The following LHFPL6 variants were observed in gnomAD, a reference collection of about 807,000 sequenced individuals.
The protein encoded by LHFPL6 is LHFPL tetraspan subfamily member 6, also known as LHFPL tetraspan subfamily member 6 protein.
Under a neutral mutation model 20.6 loss-of-function variants are expected in LHFPL6, and 9 were observed. The ratio of observed to expected loss-of-function variants is 0.44; its 90% CI spans 0.26 to 0.76. The LOEUF (loss-of-function observed/expected upper bound fraction) is 0.76, where lower values mean the gene tolerates loss of function less well. Among genes scored for constraint, LHFPL6 ranks in the 30% least tolerant of loss-of-function variants. The pLI is 0.20. For missense variants in LHFPL6, 218 were observed against 253.5 expected, an observed-to-expected ratio of 0.86 and a Z score of 0.95; for synonymous variants, 105 against 98.7, an observed-to-expected ratio of 1.06 and a Z score of -0.38.
chr13:39,368,470 A>G (rs1477179287), intron 3 of LHFPL6, among the ~76,000 whole-genome samples: 2 of 152,046 alleles, frequency 1.3e-5, no homozygotes, highest in East Asian at 3.9e-4. Flanking sequence ...TAGTCCCAGC[A>G]ACTCTGGAGG....
chr13:39,499,160 C>A (rs1018573908), intron 2 of LHFPL6, among the ~76,000 whole-genome samples: 2 of 151,820 alleles, frequency 1.3e-5, no homozygotes, highest in African/African-American at 4.8e-5. Flanking sequence ...ACGCACCCGG[C>A]CTGCCTTTTC....
Position 39,488,473 on chromosome 13 carries a change from T to C in LHFPL6, c.386-109947A>G, listed in dbSNP as rs140967758. The stretch of plus-strand genomic sequence containing the variant: ...TTTTACCCCAGCAGTCTGTTCCTTT[T>C]CCATTCCTGTCCTTTACAAGGGCCT... On this transcript the variant is annotated intron_variant, in intron 2 of 3. Transcript: ENST00000379589. Among the ~76,000 whole-genome samples the C allele has an allele frequency of 4.8e-4, 73 of 152,250 alleles. No homozygotes were observed. The East Asian group carries it at 0.014, about 29-fold the overall frequency.
chr13:39,599,987 A>G (rs1264779025), intron 2 of LHFPL6, among the ~76,000 whole-genome samples: 1 of 152,212 alleles, frequency 6.6e-6, no homozygotes, highest in Non-Finnish European at 1.5e-5. Context: ...ACCAGGGTGG[A>G]CTGTAAATCA....
chr13:39,545,708 C>G (rs9548803), intron 2 of LHFPL6, among the ~76,000 whole-genome samples: 118,595 of 152,030 alleles, frequency 0.78, 46,676 homozygotes, highest in Middle Eastern at 0.88. Flanking sequence ...ATCATATCTA[C>G]ATTACTTATA....
At chr13:39,434,618 C>G (rs1472771854) in intron 2 of LHFPL6, among the ~76,000 whole-genome samples, 2 of 151,998 alleles carry the variant, frequency 1.3e-5, no homozygotes, top group Non-Finnish European at 2.9e-5. Flanking sequence ...CACTGATGGC[C>G]CAAATGAAAT....
At chr13:39,434,211 T>C (rs1871893404) in intron 2 of LHFPL6, among the ~76,000 whole-genome samples, 1 of 152,218 alleles carries the variant, frequency 6.6e-6, no homozygotes, top group South Asian at 2.1e-4. Context: ...CTACTACATG[T>C]TGGGTACTAT....
intron 2 of LHFPL6, among the ~76,000 whole-genome samples, chr13:39,558,656 A>G (rs1032156456): frequency 1.3e-5 from 2 of 152,188 alleles, no homozygotes; most frequent in African/African-American, 4.8e-5. Flanking sequence ...GTTTTGGCCT[A>G]AGTTGTATGC....
chr13:39,424,681 T>C lies in LHFPL6; in HGVS notation c.386-46155A>G, dbSNP rs1871592629. On this transcript the variant is annotated intron_variant, in intron 2 of 3. Transcript: ENST00000379589. ...AGTGAAAAAAATGGTACTGCAATTT[T>C]TCAAAATGAGGAAAATGTACTGGTA... Among the ~76,000 whole-genome samples the C allele has an allele frequency of 2.0e-5, 3 of 152,184 alleles. No homozygotes were observed. The South Asian group carries it at 6.2e-4, about 32-fold the overall frequency.
At chr13:39,568,408 A>T (rs1028500663) in intron 2 of LHFPL6, among the ~76,000 whole-genome samples, 18 of 152,180 alleles carry the variant, frequency 1.2e-4, no homozygotes, top group African/African-American at 4.3e-4. Flanking sequence ...CAGGACAATG[A>T]CCAATTCTGA....
intron 2 of LHFPL6, among the ~76,000 whole-genome samples, chr13:39,478,147 C>T (rs1295399641): frequency 2.0e-5 from 3 of 152,198 alleles, no homozygotes; most frequent in African/African-American, 4.8e-5. Context: ...GTTCTAGAGA[C>T]GAGGGGGCAG....
chr13:39,389,987 AC>A lies in LHFPL6; in HGVS notation c.386-11462del, dbSNP rs558213809. Among the ~76,000 whole-genome samples the A allele has an allele frequency of 2.8e-3, 419 of 152,250 alleles. 1 individual carries two copies. The highest frequency in any genetic ancestry group is 4.8e-3 in the Non-Finnish European group (326 of 68,004). On this transcript the variant is annotated intron_variant, in intron 2 of 3. Coordinates refer to ENST00000379589, the MANE Select transcript of LHFPL6 (RefSeq NM_005780.3). Reference sequence around the variant, plus strand: ...CTCTCCCCACGAGTGCCCTTAACCAACACATCAAGAGCACAAGCACCAACAG... The same window carrying A: ...CTCTCCCCACGAGTGCCCTTAACCAAACATCAAGAGCACAAGCACCAACAG...
intron 2 of LHFPL6, among the ~76,000 whole-genome samples, chr13:39,495,606 T>C (rs1869073072): frequency 6.6e-6 from 1 of 150,430 alleles, no homozygotes; most frequent in African/African-American, 2.4e-5. Context: ...TACTAGGCTT[T>C]TTTTTTTTTT....
At chr13:39,504,871 G>A (rs1469744446) in intron 2 of LHFPL6, among the ~76,000 whole-genome samples, 1 of 152,146 alleles carries the variant, frequency 6.6e-6, no homozygotes, top group Non-Finnish European at 1.5e-5. Flanking sequence ...CAAAACCGCA[G>A]AGGAAATTGT....
At chr13:39,391,345 G>A (rs1870703703) in intron 2 of LHFPL6, among the ~76,000 whole-genome samples, 1 of 152,158 alleles carries the variant, frequency 6.6e-6, no homozygotes, top group African/African-American at 2.4e-5. Context: ...CCTTAAAAGT[G>A]TGGCTATGTT....
intron 2 of LHFPL6, among the ~76,000 whole-genome samples, chr13:39,490,346 T>G (rs1868880927): frequency 6.6e-6 from 1 of 152,170 alleles, no homozygotes; most frequent in African/African-American, 2.4e-5. Flanking sequence ...AAAAGCCTGA[T>G]AGGGGAACAA....
At chr13:39,541,914 C>A (rs1870813649) in intron 2 of LHFPL6, among the ~76,000 whole-genome samples, 1 of 151,558 alleles carries the variant, frequency 6.6e-6, no homozygotes, top group Non-Finnish European at 1.5e-5. Flanking sequence ...ACAGTGAAAC[C>A]CCGTCTCTAC....
intron 2 of LHFPL6, among the ~76,000 whole-genome samples, chr13:39,572,656 T>C (rs1404674009): frequency 6.6e-6 from 1 of 152,190 alleles, no homozygotes; most frequent in Non-Finnish European, 1.5e-5. Flanking sequence ...GTTCTGTGTC[T>C]CCTCCACTCT....
intron 2 of LHFPL6, among the ~76,000 whole-genome samples, chr13:39,437,353 C>T (rs926714651): frequency 6.6e-5 from 10 of 152,246 alleles, no homozygotes; most frequent in Admixed American, 5.9e-4. Flanking sequence ...TGGTGCTGTA[C>T]TTGTGATAGT....
At chr13:39,482,321 G>A (rs1218307583) in intron 2 of LHFPL6, among the ~76,000 whole-genome samples, 1 of 152,104 alleles carries the variant, frequency 6.6e-6, no homozygotes, top group Non-Finnish European at 1.5e-5. Context: ...GCACATGCCT[G>A]TAATCCCCAC....
Sources: gnomAD v4.1 joint callset for allele counts (sites outside exome capture counted in the v4.1 genomes callset) on GRCh38, gnomAD v4.1.1 for gene constraint, MANE v1.5 for transcripts, NCBI Gene and HGNC (gene_info 2026-07-23, HGNC 2026-07-21) for gene names.